THSD4: variants seen among roughly 807,000 people sequenced by gnomAD.
The protein encoded by THSD4 is thrombospondin type 1 domain containing 4.
Under a neutral mutation model 119.0 loss-of-function variants are expected in THSD4, and 69 were observed. The ratio of observed to expected loss-of-function variants is 0.58; its 90% CI spans 0.48 to 0.71. The LOEUF (loss-of-function observed/expected upper bound fraction) is 0.71, where lower values mean the gene tolerates loss of function less well. Among genes scored for constraint, THSD4 ranks in the 30% least tolerant of loss-of-function variants. THSD4 has a pLI of 0.00. For synonymous variants in THSD4, 524 were observed against 540.4 expected (o/e 0.97, Z 0.42); for missense variants, 1,393 against 1,391.1 (o/e 1.00, Z -0.02).
chr15:71,765,672 G>A (rs889407051), intron 16 of THSD4, among the ~76,000 whole-genome samples: 2 of 152,168 alleles, frequency 1.3e-5, no homozygotes, highest in Non-Finnish European at 2.9e-5. Flanking sequence ...GGAGGCCAAG[G>A]TGGGAAGATC....
At chr15:71,280,686 C>T (rs1213629973) in intron 6 of THSD4, among the ~76,000 whole-genome samples, 2 of 151,660 alleles carry the variant, frequency 1.3e-5, no homozygotes, top group South Asian at 4.2e-4. Context: ...TCCTTTCTCA[C>T]TCACCCAGTC....
At chr15:71,442,918 T>C (rs1250548472) in intron 7 of THSD4, among the ~76,000 whole-genome samples, 1 of 151,494 alleles carries the variant, frequency 6.6e-6, no homozygotes, top group Non-Finnish European at 1.5e-5. Context: ...CCATAGTCCC[T>C]TGTGCTTGAC....
chr15:71,572,929 C>T (rs1327962720), intron 7 of THSD4, among the ~76,000 whole-genome samples: 2 of 152,112 alleles, frequency 1.3e-5, no homozygotes, highest in Non-Finnish European at 2.9e-5. Flanking sequence ...GTTTAAGATA[C>T]CTGGGAAGGC....
intron 8 of THSD4, among the ~76,000 whole-genome samples, chr15:71,727,315 A>G (rs1247641549): frequency 6.6e-6 from 1 of 151,986 alleles, no homozygotes; most frequent in African/African-American, 2.4e-5. Flanking sequence ...AAGTGAATGA[A>G]GCTGACCAGG....
At position 71,393,585 on chromosome 15, in the gene THSD4, C is replaced by G. The variant is rs975920922; in HGVS notation, c.1016-18102C>G. Reference sequence around the variant, plus strand: ...TGTGTTTGTGCGTGAGCAGATGGCTCCTACTCTGTCTGGCTTCCTATTTAT... The same window carrying G: ...TGTGTTTGTGCGTGAGCAGATGGCTGCTACTCTGTCTGGCTTCCTATTTAT... On this transcript the variant is annotated intron_variant, in intron 6 of 17. Coordinates refer to ENST00000261862, the MANE Select transcript of THSD4 (RefSeq NM_024817.3). Among the ~76,000 whole-genome samples, 9 of 152,236 alleles carry G rather than the reference C, an allele frequency of 5.9e-5. No individual in the cohort carries two copies. In the East Asian group the frequency reaches 1.5e-3, roughly 26 times the overall value.
chr15:71,637,637 C>T (rs562672309), intron 7 of THSD4, among the ~76,000 whole-genome samples: 2 of 151,776 alleles, frequency 1.3e-5, no homozygotes, highest in South Asian at 4.2e-4. Flanking sequence ...GCACTGTGGT[C>T]GCCAGGGGCT....
In THSD4 at chr15:71,771,189, G is replaced by T. The variant is rs868747708; in HGVS notation, c.2895G>T (p.Gln965His). The T allele has an allele frequency of 6.2e-7, 1 of 1,614,000 alleles. No individual in the cohort carries two copies. The highest frequency in any genetic ancestry group is 2.2e-5 in the East Asian group (1 of 44,870). Residue 965 changes from glutamine (Q) to histidine (H), a missense_variant, in exon 17 of 18, where the codon CAG becomes CAT. Physicochemically the swap from Gln to His is conservative, Grantham distance 24. Coordinates refer to ENST00000261862, the MANE Select transcript of THSD4 (RefSeq NM_024817.3). ...KPEERESCNPQDCVPEVDENC... is the reference protein window; with the variant it reads ...KPEERESCNPHDCVPEVDENC... ...AAGAGAGAGAATCTTGTAACCCTCAGGACTGTGTCCCTGAAGTTGGTAAGT... is the reference window on the plus strand; with the variant it reads ...AAGAGAGAGAATCTTGTAACCCTCATGACTGTGTCCCTGAAGTTGGTAAGT...
At chr15:71,430,490 T>C (rs928303397) in intron 7 of THSD4, among the ~76,000 whole-genome samples, 1 of 152,210 alleles carries the variant, frequency 6.6e-6, no homozygotes, top group East Asian at 1.9e-4. Flanking sequence ...GTAAGCTAAA[T>C]CAAAGATTTG....
intron 3 of THSD4, among the ~76,000 whole-genome samples, chr15:71,176,228 G>A (rs2043449779): frequency 1.1e-5 from 1 of 91,316 alleles, no homozygotes; most frequent in Non-Finnish European, 2.1e-5. Context: ...TCAGTGTGCT[G>A]TATTCAGGAA....
At chr15:71,491,697 C>G (rs570133485) in intron 7 of THSD4, among the ~76,000 whole-genome samples, 5 of 124,752 alleles carry the variant, frequency 4.0e-5, no homozygotes, top group African/African-American at 1.3e-4. Flanking sequence ...TAGGGAGACT[C>G]CATCTGAAAA....
intron 6 of THSD4, among the ~76,000 whole-genome samples, chr15:71,322,418 C>T (rs2045280747): frequency 6.6e-6 from 1 of 152,204 alleles, no homozygotes; most frequent in African/African-American, 2.4e-5. Flanking sequence ...ATCTTCGTGA[C>T]TTCCTTCTGT....
chr15:71,393,905 T>C (rs991470339), intron 6 of THSD4, among the ~76,000 whole-genome samples: 5 of 152,172 alleles, frequency 3.3e-5, no homozygotes, highest in African/African-American at 1.2e-4. Context: ...GGTTCTCCGA[T>C]TGAGGCAATC....
intron 7 of THSD4, among the ~76,000 whole-genome samples, chr15:71,492,951 T>TGA (rs2047945190): frequency 6.6e-6 from 1 of 151,920 alleles, no homozygotes; most frequent in Non-Finnish European, 1.5e-5. Flanking sequence ...ATCACTGTAA[T>TGA]GAGGAAAGTA....
chr15:71,097,878 C>CA (rs916821566), intron 1 of THSD4, among the ~76,000 whole-genome samples: 55 of 151,354 alleles, frequency 3.6e-4, no homozygotes, highest in Admixed American at 6.6e-4. Flanking sequence ...AGTTTTTTGC[C>CA]AAAAAAATTT....
At chr15:71,479,801 T>A (rs1322291318) in intron 7 of THSD4, among the ~76,000 whole-genome samples, 2 of 152,236 alleles carry the variant, frequency 1.3e-5, no homozygotes. Context: ...TCTATAACTT[T>A]ATTATTTTCA....
intron 7 of THSD4, among the ~76,000 whole-genome samples, chr15:71,532,263 TGAGAGAGA>T (rs112859786): frequency 1.8e-4 from 13 of 71,722 alleles, no homozygotes; most frequent in African/African-American, 4.4e-4. Flanking sequence ...CAACAAAGGG[TGAGAGAGA>T]GAGAGAGAGA....
intron 7 of THSD4, among the ~76,000 whole-genome samples, chr15:71,491,631 G>C (rs149913424): frequency 1.8e-3 from 281 of 152,288 alleles, no homozygotes; most frequent in African/African-American, 6.3e-3. Flanking sequence ...CAACACTTTA[G>C]GGGGCCCATT....
intron 7 of THSD4, among the ~76,000 whole-genome samples, chr15:71,530,534 C>T (rs888133085): frequency 1.4e-4 from 22 of 152,132 alleles, no homozygotes; most frequent in Non-Finnish European, 2.6e-4. Flanking sequence ...ATATGACATG[C>T]CCACGTATTT....
At chr15:71,662,265 G>T (rs527946308) in intron 8 of THSD4, among the ~76,000 whole-genome samples, 5 of 414 alleles carry the variant, frequency 0.012, no homozygotes, top group East Asian at 0.12. Flanking sequence ...TGGTTTTACG[G>T]GGGGGGAGGA....
Sources: allele counts gnomAD v4.1 joint callset (sites outside exome capture counted in the v4.1 genomes callset), GRCh38; gene constraint gnomAD v4.1.1; transcripts MANE v1.5; gene names NCBI Gene and HGNC (gene_info 2026-07-23, HGNC 2026-07-21).